The following GBF1 variants were observed in gnomAD, a reference collection of about 807,000 sequenced individuals.
GBF1 encodes the protein Golgi-specific brefeldin A-resistance guanine nucleotide exchange factor 1.
Under a neutral mutation model 210.5 loss-of-function variants are expected in GBF1, and 114 were observed. That is an observed-to-expected ratio of 0.54 (90% confidence interval 0.47 to 0.63). The LOEUF is 0.63. GBF1 is among the 30% of genes least tolerant of loss of function. The pLI is 0.00. For missense variants in GBF1, 1,851 were observed against 2,357.7 expected, an observed-to-expected ratio of 0.79 and a Z score of 4.45; for synonymous variants, 850 against 889.2, an observed-to-expected ratio of 0.96 and a Z score of 0.78.
chr10:102,233,169 T>C, the GBF1 span, among the ~76,000 whole-genome samples: 1 of 152,192 alleles, frequency 6.6e-6, no homozygotes, highest in Non-Finnish European at 1.5e-5. Context: ...CACTGTGCTT[T>C]CTGGGGCCTT....
At chr10:102,331,851 A>ATTTTTTTTTTTTTTTTTTT (rs869198412) in intron 3 of GBF1, among the ~76,000 whole-genome samples, 7 of 85,344 alleles carry the variant, frequency 8.2e-5, no homozygotes, top group African/African-American at 3.4e-4. Context: ...TACCTGGCTA[A>ATTTTTTTTTTTTTTTTTTT]TTTTTTTTTT....
At chr10:102,343,364 C>T (rs369255425) in intron 3 of GBF1, among the ~76,000 whole-genome samples, 4 of 152,184 alleles carry the variant, frequency 2.6e-5, no homozygotes, top group South Asian at 2.1e-4. Flanking sequence ...CCCAAGATGA[C>T]GTTACCTATT....
At chr10:102,259,178 C>A in intron 2 of GBF1, 144 bp downstream of exon 2, 1 of 599,592 alleles carries the variant, frequency 1.7e-6, no homozygotes, top group Non-Finnish European at 3.0e-6. Flanking sequence ...TTTTTGTATC[C>A]CAACTAGCAT....
chr10:102,378,189 G>C (rs970320278), intron 33 of GBF1, among the ~76,000 whole-genome samples: 7 of 150,194 alleles, frequency 4.7e-5, no homozygotes, highest in Non-Finnish European at 1.0e-4. Flanking sequence ...CTGCACTCCA[G>C]CCTGGGCGAC....
intron 9 of GBF1, 145 bp from the exon 10 acceptor site, chr10:102,358,361 A>T: frequency 1.3e-6 from 1 of 790,338 alleles, no homozygotes; most frequent in Non-Finnish European, 2.1e-6. Flanking sequence ...GCAGTGACTT[A>T]AGGTTGTTCT....
intron 3 of GBF1, among the ~76,000 whole-genome samples, chr10:102,328,481 TC>T (rs2057078367): frequency 6.6e-6 from 1 of 152,028 alleles, no homozygotes; most frequent in Non-Finnish European, 1.5e-5. Flanking sequence ...AGTGAAACCC[TC>T]TCTCAAAAAA....
chr10:102,245,314 A>T (rs374858914), upstream of GBF1, among the ~76,000 whole-genome samples: 4 of 152,212 alleles, frequency 2.6e-5, no homozygotes, highest in African/African-American at 9.6e-5. Flanking sequence ...TTGGTTTTTT[A>T]AACTGTCACT....
At chr10:102,280,395 C>CT (rs2075382072) in intron 3 of GBF1, among the ~76,000 whole-genome samples, 1 of 152,132 alleles carries the variant, frequency 6.6e-6, no homozygotes, top group Non-Finnish European at 1.5e-5. Flanking sequence ...TTGTCCCATC[C>CT]TTGACTCCTT....
intron 28 of GBF1, 29 bp downstream of exon 28, chr10:102,370,507 C>G: frequency 6.5e-7 from 1 of 1,543,116 alleles, no homozygotes. Flanking sequence ...TTAGGCAGAC[C>G]CCATGCTGGG....
At chr10:102,240,515 C>T (rs1013032380), upstream of GBF1, among the ~76,000 whole-genome samples, 4 of 152,388 alleles carry the variant, frequency 2.6e-5, no homozygotes, top group Non-Finnish European at 4.4e-5. Flanking sequence ...GACCCCATCG[C>T]ACACGCAGCA....
chr10:102,336,315 GAA>G (rs971079350), intron 3 of GBF1, among the ~76,000 whole-genome samples: 1 of 118,378 alleles, frequency 8.4e-6, no homozygotes. Context: ...AAAAAAAAAA[GAA>G]AAAAAAAAAA....
Position 102,366,257 on chromosome 10 carries a change from G to A in GBF1, c.2310-126G>A. ...GTGTTAGGGATGAACAGGAGATACTGCCCCTTTACTAGAGACCTCAGCCTC... is the reference window on the plus strand; with the variant it reads ...GTGTTAGGGATGAACAGGAGATACTACCCCTTTACTAGAGACCTCAGCCTC... On this transcript the variant is annotated intron_variant, in intron 18 of 39. Coordinates refer to ENST00000369983, the MANE Select transcript of GBF1 (RefSeq NM_001377137.1). The surrounding 1 kb of genome is among the most constrained non-coding windows in gnomAD (Gnocchi z 4.0). The A allele has an allele frequency of 1.1e-6, 1 of 885,950 alleles. No homozygotes were observed. The highest frequency in any genetic ancestry group is 1.8e-6 in the Non-Finnish European group (1 of 552,836). The allele number at this position is 885,950 out of a possible 1,614,324, so 54.9% of individuals were successfully genotyped here. A position where few individuals can be genotyped will look rare whatever the true frequency, so the allele number is the denominator to read the frequency against.
Position 102,298,507 on chromosome 10 carries a change from C to T in GBF1, c.163+38391C>T, listed in dbSNP as rs187732233. On this transcript the variant is annotated intron_variant, in intron 3 of 39. Transcript: ENST00000369983. ...GTGTATCTTTTAGCTAGAATATGTG[C>T]TCTTTGTAGTCAGGGACCATGCCTT... Among the ~76,000 whole-genome samples, 4 of 152,254 alleles carry T rather than the reference C, an allele frequency of 2.6e-5. No individual in the cohort carries two copies. In the East Asian group the frequency reaches 7.7e-4, roughly 29 times the overall value.
intron 3 of GBF1, among the ~76,000 whole-genome samples, chr10:102,337,427 G>T (rs1374303458): frequency 6.6e-6 from 1 of 150,552 alleles, no homozygotes; most frequent in African/African-American, 2.4e-5. Context: ...AGAAAAAACT[G>T]CTCTTCATCA....
rs1464413329 is a variant in GBF1 at position 102,377,045 on chromosome 10, A to G, written c.4399A>G (p.Ser1467Gly). 6.2e-7 allele frequency: 1 copy of G among 1,614,202 alleles called. No homozygotes were observed. Among genetic ancestry groups the G allele is most frequent in the South Asian group, 1.1e-5 (1 of 91,086 alleles). Residue 1467 changes from serine to glycine, a missense_variant, in exon 33 of 40, where the codon AGC becomes GGC. Ser to Gly is a moderately conservative substitution (Grantham distance 56). This residue lies in a region of GBF1 where 967 missense variants were observed against 1,247.7 expected (regional missense o/e 0.78). Transcript: ENST00000369983. ...GSMLRRPRTS[S>G]QHASRGGQSD... The stretch of plus-strand genomic sequence containing the variant: ...AATGCTTCGCCGGCCTCGAACCTCC[A>G]GCCAACATGCCTCTCGGGGCGGGCA...
chr10:102,318,536 A>G (rs966318413), intron 3 of GBF1, among the ~76,000 whole-genome samples: 4 of 152,184 alleles, frequency 2.6e-5, no homozygotes, highest in African/African-American at 9.7e-5. Context: ...GCAATGTGGT[A>G]TAAATATCTT....
intron 3 of GBF1, among the ~76,000 whole-genome samples, chr10:102,323,159 C>T (rs1039971067): frequency 7.9e-6 from 1 of 127,284 alleles, no homozygotes; most frequent in Non-Finnish European, 1.8e-5. Flanking sequence ...ATACCTCAAT[C>T]TCCAGGGCTT....
chr10:102,358,146 G>T lies in GBF1; in HGVS notation c.747G>T (p.Leu249=). The T allele has an allele frequency of 6.2e-7, 1 of 1,613,690 alleles. No individual in the cohort carries two copies. The highest frequency in any genetic ancestry group is 1.1e-5 in the South Asian group (1 of 91,070). The change falls in exon 9 of 40, where the codon CTG becomes CTT. Residue 249 remains leucine (L), a synonymous_variant. Coordinates refer to ENST00000369983, the MANE Select transcript of GBF1 (RefSeq NM_001377137.1). ...CCAAAGTCACACCAGGTTCAGAGCT[G>T]CCCACTCCCAATGGAACCACCTTAT... is the stretch of plus-strand genomic sequence containing the variant. ...HMTKVTPGSE[L]PTPNGTTLSS...
chr10:102,372,831 T>C (rs555704789), intron 29 of GBF1, among the ~76,000 whole-genome samples: 1 of 152,208 alleles, frequency 6.6e-6, no homozygotes, highest in Admixed American at 6.5e-5. Flanking sequence ...CAGGAGAAAA[T>C]CTTCAGGATC....
Sources: gnomAD v4.1 joint callset for allele counts (sites outside exome capture counted in the v4.1 genomes callset) on GRCh38, gnomAD v4.1.1 for gene constraint, gnomAD v4.1.1 regional missense constraint, Gnocchi (gnomAD v3.1) non-coding constraint, MANE v1.5 for transcripts, NCBI Gene and HGNC (gene_info 2026-07-23, HGNC 2026-07-21) for gene names.